Variants in HDAC9 observed in about 807,000 individuals in gnomAD.
The protein encoded by HDAC9 is MEF-2 interacting transcription repressor (MITR) protein.
Under a neutral mutation model 139.4 loss-of-function variants are expected in HDAC9, and 41 were observed. The observed-to-expected ratio is 0.29, with a 90% CI of 0.23 to 0.38. The LOEUF (loss-of-function observed/expected upper bound fraction) is 0.38. Among genes scored for constraint, HDAC9 ranks in the 10% least tolerant of loss-of-function variants. The pLI is 1.00. For synonymous variants in HDAC9, 517 were observed against 476.2 expected, an observed-to-expected ratio of 1.09 and a Z score of -1.12; for missense variants, 1,147 against 1,297.0, an observed-to-expected ratio of 0.88 and a Z score of 1.78.
intron 25 of HDAC9, among the ~76,000 whole-genome samples, chr7:18,979,654 G>T (rs1784768991): frequency 6.6e-6 from 1 of 152,200 alleles, no homozygotes; most frequent in Non-Finnish European, 1.5e-5. Context: ...CAGGAAGCAA[G>T]TTCCTGGCAT....
At position 18,666,411 on chromosome 7, in the gene HDAC9, G is replaced by A. The variant is rs1184409652; in HGVS notation, c.1666G>A (p.Asp556Asn). ...GAVKVKEEPV[D>N]SDEDAQIQEM... is the part of the protein sequence containing the mutation. ...TGTGAAGGTCAAGGAGGAACCAGTG[G>A]ACAGTGATGAAGATGCTCAGATCCA... The change falls in exon 12 of 26, where the codon GAC becomes AAC. Residue 556 changes from aspartate to asparagine, a missense_variant. Coordinates refer to ENST00000686413, the MANE Select transcript of HDAC9 (RefSeq NM_178425.4). The A allele has an allele frequency of 6.2e-7, 1 of 1,612,934 alleles. No homozygotes were observed. The highest frequency in any genetic ancestry group is 8.5e-7 in the Non-Finnish European group (1 of 1,179,438).
At chr7:18,622,189 G>A (rs1186702645) in intron 6 of HDAC9, among the ~76,000 whole-genome samples, 1 of 152,196 alleles carries the variant, frequency 6.6e-6, no homozygotes, top group African/African-American at 2.4e-5. Context: ...CTGCAGGGAA[G>A]AATAGACAAT....
chr7:18,346,188 G>A (rs1782407225), intron 1 of HDAC9, among the ~76,000 whole-genome samples: 1 of 152,076 alleles, frequency 6.6e-6, no homozygotes, highest in Admixed American at 6.6e-5. Context: ...TAGGATAGCA[G>A]TAATTGTGCT....
chr7:18,633,510 G>A (rs1349697710), intron 7 of HDAC9, among the ~76,000 whole-genome samples: 1 of 152,038 alleles, frequency 6.6e-6, no homozygotes, highest in Non-Finnish European at 1.5e-5. Context: ...AAGACTAAAT[G>A]TGTGAGCGTT....
intron 2 of HDAC9, among the ~76,000 whole-genome samples, chr7:18,180,263 A>ACACCCCCC (rs1554322967): frequency 7.4e-5 from 11 of 149,542 alleles, no homozygotes; most frequent in South Asian, 4.2e-4. Flanking sequence ...ACACACACAC[A>ACACCCCCC]CACACACACA....
At chr7:18,124,757 C>T (rs540759168) in intron 1 of HDAC9, among the ~76,000 whole-genome samples, 3 of 152,176 alleles carry the variant, frequency 2.0e-5, no homozygotes, top group African/African-American at 4.8e-5. Flanking sequence ...CCCCCAGCTG[C>T]TGTTACTGAC....
intron 1 of HDAC9, among the ~76,000 whole-genome samples, chr7:18,148,614 G>A (rs191068286): frequency 3.9e-5 from 6 of 152,072 alleles, no homozygotes; most frequent in African/African-American, 9.6e-5. Flanking sequence ...TCGCCACCAC[G>A]CCCAGCTAAT....
At chr7:18,092,477 C>T (rs1025565127) in intron 1 of HDAC9, among the ~76,000 whole-genome samples, 1 of 151,448 alleles carries the variant, frequency 6.6e-6, no homozygotes, top group Non-Finnish European at 1.5e-5. Context: ...AGAAACAAGG[C>T]TCCAAATCCC....
chr7:18,539,704 A>T (rs748597513), intron 2 of HDAC9, among the ~76,000 whole-genome samples: 8 of 152,116 alleles, frequency 5.3e-5, no homozygotes, highest in Non-Finnish European at 1.0e-4. Context: ...GTTTAAACTG[A>T]AAAGGAAAAA....
At chr7:18,293,712 AG>A (rs1797966171) in intron 1 of HDAC9, among the ~76,000 whole-genome samples, 1 of 152,092 alleles carries the variant, frequency 6.6e-6, no homozygotes, top group Non-Finnish European at 1.5e-5. Flanking sequence ...ACAGATTCAG[AG>A]TGCCATTTAG....
chr7:18,790,510 G>A lies in HDAC9; in HGVS notation c.2215-2835G>A, dbSNP rs529934433. 1.3e-3 allele frequency among the ~76,000 whole-genome samples: 204 copies of A among 152,256 alleles called. 1 individual carries two copies. Among genetic ancestry groups the A allele is most frequent in the African/African-American group, 4.4e-3 (181 of 41,556 alleles). On this transcript the variant is annotated intron_variant, in intron 16 of 25. Transcript: ENST00000686413. Reference sequence around the variant, plus strand: ...TTTATCTTGAACTTCAAAGCCTCCAGAATTGTGAGAAATAAAATTTCTTTT... The same window carrying A: ...TTTATCTTGAACTTCAAAGCCTCCAAAATTGTGAGAAATAAAATTTCTTTT...
intron 1 of HDAC9, among the ~76,000 whole-genome samples, chr7:18,475,142 G>A (rs987973178): frequency 1.3e-4 from 20 of 152,218 alleles, no homozygotes; most frequent in Non-Finnish European, 1.9e-4. Flanking sequence ...GAAGGATCTT[G>A]TGGTGGTCAG....
intron 1 of HDAC9, among the ~76,000 whole-genome samples, chr7:18,356,146 T>C (rs1363771631): frequency 6.6e-6 from 1 of 152,052 alleles, no homozygotes; most frequent in Non-Finnish European, 1.5e-5. Flanking sequence ...AGATCCAGAA[T>C]TGGGTCTTCA....
At chr7:18,870,420 T>G (rs1798825279) in intron 21 of HDAC9, among the ~76,000 whole-genome samples, 1 of 152,150 alleles carries the variant, frequency 6.6e-6, no homozygotes, top group Non-Finnish European at 1.5e-5. Flanking sequence ...ATTATGAGAT[T>G]TGAAGTTATA....
chr7:18,472,170 T>G (rs1422849448), intron 1 of HDAC9, among the ~76,000 whole-genome samples: 2 of 152,200 alleles, frequency 1.3e-5, no homozygotes, highest in Non-Finnish European at 2.9e-5. Flanking sequence ...TTTTAGATTA[T>G]ATTTATTTAT....
chr7:18,313,436 T>A (rs1327442226), intron 1 of HDAC9, among the ~76,000 whole-genome samples: 2 of 152,154 alleles, frequency 1.3e-5, no homozygotes, highest in African/African-American at 2.4e-5. Context: ...GTCAGGAGAT[T>A]TATGACCTGA....
At chr7:18,860,393 C>T (rs1024789792) in intron 21 of HDAC9, among the ~76,000 whole-genome samples, 1 of 152,120 alleles carries the variant, frequency 6.6e-6, no homozygotes, top group African/African-American at 2.4e-5. Context: ...CAATGTTTTA[C>T]AACCACCAGG....
rs1396093811 is a variant in HDAC9, at chr7:18,303,423, GTT to G, written c.-42+12912_-42+12913del. ...TGTGTGTGTGTGTGTGTGTGTGTGT[GTT>G]TTTAGTAGAGATGGGGTTTCACCGT... On this transcript the variant is annotated intron_variant, in intron 1 of 3. Coordinates refer to the HDAC9 transcript ENST00000413509. Among the ~76,000 whole-genome samples, 134 of 110,914 alleles carry G rather than the reference GTT, an allele frequency of 1.2e-3. 2 individuals are homozygous for G. Among genetic ancestry groups the G allele is most frequent in the African/African-American group, 8.0e-3 (118 of 14,724 alleles). The allele number at this position is 110,914 out of a possible 152,430, so 72.8% of individuals were successfully genotyped here.
At chr7:18,433,072 A>T (rs149547958) in intron 1 of HDAC9, among the ~76,000 whole-genome samples, 22 of 152,306 alleles carry the variant, frequency 1.4e-4, no homozygotes, top group Admixed American at 3.9e-4. Flanking sequence ...TATCCCTGGG[A>T]TGCGAGGTTG....
Sources: gnomAD v4.1 joint callset for allele counts (sites outside exome capture counted in the v4.1 genomes callset) on GRCh38, gnomAD v4.1.1 for gene constraint, MANE v1.5 for transcripts, NCBI Gene and HGNC (gene_info 2026-07-23, HGNC 2026-07-21) for gene names.